Variants in RAD51B observed in about 807,000 individuals in gnomAD.
RAD51B encodes the protein RAD51 paralog B.
In RAD51B, 38 loss-of-function variants were observed where a neutral mutation model predicts 42.2. The ratio of observed to expected loss-of-function variants is 0.90; its 90% CI spans 0.70 to 1.18. The LOEUF (loss-of-function observed/expected upper bound fraction) is 1.18, where lower values mean the gene tolerates loss of function less well. Among genes scored for constraint, RAD51B ranks in the 50% most tolerant of loss-of-function variants. The pLI is 0.00. For missense variants in RAD51B, 373 were observed against 400.7 expected (o/e 0.93, Z 0.59); for synonymous variants, 154 against 145.2 (o/e 1.06, Z -0.43).
At chr14:68,038,462 G>A (rs908528553) in intron 7 of RAD51B, among the ~76,000 whole-genome samples, 7 of 151,444 alleles carry the variant, frequency 4.6e-5, no homozygotes, top group African/African-American at 1.7e-4. Context: ...AAGATGCAGT[G>A]GTGCTTTTAT....
chr14:68,518,557 C>G (rs60720907), intron 10 of RAD51B, among the ~76,000 whole-genome samples: 2 of 148,878 alleles, frequency 1.3e-5, no homozygotes, highest in Admixed American at 6.7e-5. Context: ...CATATGAGCC[C>G]CCCCCCCAGG....
chr14:68,030,425 G>T (rs1479860246), intron 7 of RAD51B, among the ~76,000 whole-genome samples: 1 of 152,090 alleles, frequency 6.6e-6, no homozygotes, highest in African/African-American at 2.4e-5. Flanking sequence ...GCTTCACCTT[G>T]CACTTCTATA....
At chr14:68,611,381 T>G (rs1414197703) in exon 11 of RAD51B, 10 of 625,604 alleles carry the variant, frequency 1.6e-5, no homozygotes, top group Non-Finnish European at 2.3e-5. Context: ...TTTTACAATG[T>G]CTCCAGTGAA....
intron 7 of RAD51B, among the ~76,000 whole-genome samples, chr14:68,120,417 C>T (rs935296862): frequency 5.9e-5 from 9 of 152,188 alleles, no homozygotes; most frequent in African/African-American, 1.9e-4. Flanking sequence ...AAGTTTCTAG[C>T]CCTAAATCAC....
At chr14:68,591,312 C>T (rs1427763555) in intron 10 of RAD51B, among the ~76,000 whole-genome samples, 1 of 152,210 alleles carries the variant, frequency 6.6e-6, no homozygotes, top group East Asian at 1.9e-4. Flanking sequence ...GCCAGGGACT[C>T]TGGATGCGCT....
chr14:67,976,362 C>T (rs923557247), intron 7 of RAD51B, among the ~76,000 whole-genome samples: 2 of 152,090 alleles, frequency 1.3e-5, no homozygotes, highest in Admixed American at 6.6e-5. Flanking sequence ...AAGCGATCCT[C>T]TCATGTTGGC....
intron 7 of RAD51B, among the ~76,000 whole-genome samples, chr14:68,207,080 G>A (rs904528401): frequency 4.6e-5 from 7 of 151,896 alleles, no homozygotes; most frequent in East Asian, 1.9e-4. Context: ...TTGAGCCACC[G>A]CACCCGGCCA....
chr14:68,108,252 G>A (rs1244724375), intron 7 of RAD51B, among the ~76,000 whole-genome samples: 1 of 151,722 alleles, frequency 6.6e-6, no homozygotes, highest in African/African-American at 2.4e-5. Flanking sequence ...CATAGGACCT[G>A]GCAATTCCAC....
At chr14:67,990,931 G>A (rs2075286628) in intron 7 of RAD51B, among the ~76,000 whole-genome samples, 1 of 152,096 alleles carries the variant, frequency 6.6e-6, no homozygotes, top group Non-Finnish European at 1.5e-5. Context: ...TTTTAGAGAG[G>A]GTAGAAGGGT....
chr14:68,329,120 C>A (rs1376780310), intron 8 of RAD51B, among the ~76,000 whole-genome samples: 1 of 152,104 alleles, frequency 6.6e-6, no homozygotes, highest in Non-Finnish European at 1.5e-5. Flanking sequence ...GTGATCCTCC[C>A]ACCTTAGCTT....
At chr14:68,477,617 A>C in intron 10 of RAD51B, 31 bp from the exon 11 acceptor site, 1 of 1,593,128 alleles carries the variant, frequency 6.3e-7, no homozygotes. Flanking sequence ...TTTTTTTTTC[A>C]AACTTTCTCT....
At chr14:68,495,598 C>T (rs1040519434) in intron 10 of RAD51B, among the ~76,000 whole-genome samples, 29 of 151,600 alleles carry the variant, frequency 1.9e-4, no homozygotes, top group African/African-American at 6.5e-4. Flanking sequence ...GGCTGCCAAG[C>T]GCGTAGAAGT....
chr14:67,977,375 A>G (rs1303753255), intron 7 of RAD51B, among the ~76,000 whole-genome samples: 2 of 152,186 alleles, frequency 1.3e-5, no homozygotes, highest in East Asian at 3.8e-4. Flanking sequence ...ACATTTTATT[A>G]TTTTCCTGAA....
At chr14:68,511,935 C>A (rs1566920698) in intron 10 of RAD51B, among the ~76,000 whole-genome samples, 1 of 152,208 alleles carries the variant, frequency 6.6e-6, no homozygotes, top group African/African-American at 2.4e-5. Flanking sequence ...GTGTCAGATG[C>A]TTCTAGGCAC....
At chr14:68,435,485 G>A (rs1398120510) in intron 9 of RAD51B, among the ~76,000 whole-genome samples, 2 of 133,634 alleles carry the variant, frequency 1.5e-5, no homozygotes, top group African/African-American at 5.4e-5. Flanking sequence ...AGTACATGTG[G>A]TTTTTGGTTT....
chr14:68,459,367 G>A (rs903271914), intron 9 of RAD51B, among the ~76,000 whole-genome samples: 11 of 152,190 alleles, frequency 7.2e-5, no homozygotes. Flanking sequence ...TCTTGGACAA[G>A]GAGGAAAACC....
chr14:68,680,968 C>T (rs1355575734), intron 11 of RAD51B, among the ~76,000 whole-genome samples: 1 of 151,764 alleles, frequency 6.6e-6, no homozygotes, highest in Non-Finnish European at 1.5e-5. Flanking sequence ...AAAAAATAAC[C>T]CTTGCAACAC....
intron 10 of RAD51B, among the ~76,000 whole-genome samples, chr14:68,493,115 G>A (rs1240295749): frequency 1.3e-5 from 2 of 151,984 alleles, no homozygotes; most frequent in Non-Finnish European, 2.9e-5. Flanking sequence ...CTCCCTTTGT[G>A]CATTTGGCTC....
At chr14:68,449,589 T>C (rs1343215904) in intron 9 of RAD51B, among the ~76,000 whole-genome samples, 2 of 152,128 alleles carry the variant, frequency 1.3e-5, no homozygotes, top group Non-Finnish European at 2.9e-5. Context: ...CCCCCAGCTG[T>C]CCCCAAGATC....
Sources: gnomAD v4.1 joint callset for allele counts (sites outside exome capture counted in the v4.1 genomes callset) on GRCh38, gnomAD v4.1.1 for gene constraint, MANE v1.5 for transcripts, NCBI Gene and HGNC (gene_info 2026-07-23, HGNC 2026-07-21) for gene names.